Variants in MBTPS1 observed in about 807,000 individuals in gnomAD.
MBTPS1 encodes membrane bound transcription factor peptidase, site 1, also known as membrane-bound transcription factor site-1 protease.
Under a neutral mutation model 127.8 loss-of-function variants are expected in MBTPS1, and 94 were observed. The observed-to-expected ratio is 0.74, with a 90% CI of 0.62 to 0.87. The LOEUF is 0.87. Among genes scored for constraint, MBTPS1 ranks in the 40% least tolerant of loss-of-function variants. The pLI, the probability that MBTPS1 is intolerant of heterozygous loss-of-function variation, is 0.00. For synonymous variants in MBTPS1, 632 were observed against 509.4 expected (o/e 1.24, Z -3.24); for missense variants, 1,636 against 1,353.2 (o/e 1.21, Z -3.28).
At chr16:84,065,291 G>A (rs1447525091) in intron 18 of MBTPS1, among the ~76,000 whole-genome samples, 1 of 152,068 alleles carries the variant, frequency 6.6e-6, no homozygotes, top group African/African-American at 2.4e-5. Flanking sequence ...CTAAATTTTT[G>A]TATTTTTAGT....
intron 1 of MBTPS1, among the ~76,000 whole-genome samples, chr16:84,105,965 A>T (rs1597352642): frequency 6.6e-6 from 1 of 152,202 alleles, no homozygotes; most frequent in Admixed American, 6.5e-5. Context: ...AGTAAAACAT[A>T]CAGTATTTAG....
At chr16:84,063,268 G>A (rs772240932) in intron 19 of MBTPS1, 37 bp downstream of exon 19, 8 of 1,590,200 alleles carry the variant, frequency 5.0e-6, no homozygotes, top group East Asian at 2.3e-5. Flanking sequence ...AAGGATCTGA[G>A]TGCCGAAGTC....
rs1284354723 is a variant in MBTPS1, at chr16:84,087,399, C to T, written c.1093G>A (p.Asp365Asn). Reference sequence around the variant, plus strand: ...CTTGAAGAAAAGCGGGCGATGTTATCTTCAAAGTCAATGCCGCCTACTCCA... The same window carrying T: ...CTTGAAGAAAAGCGGGCGATGTTATTTTCAAAGTCAATGCCGCCTACTCCA... ...VIGVGGIDFEDNIARFSSRGM... is the reference protein window; with the variant it reads ...VIGVGGIDFENNIARFSSRGM... Residue 365 changes from aspartate (D) to asparagine (N), a missense_variant, in exon 9 of 23, where the codon GAT (aspartate) becomes AAT (asparagine). By Grantham distance (23) the Asp-to-Asn change is conservative (BLOSUM62 1). Coordinates refer to ENST00000343411, the MANE Select transcript of MBTPS1 (RefSeq NM_003791.4). The T allele has an allele frequency of 4.3e-6, 7 of 1,611,978 alleles. No individual in the cohort carries two copies. In the South Asian group the frequency reaches 7.7e-5, roughly 18 times the overall value.
intron 1 of MBTPS1, among the ~76,000 whole-genome samples, chr16:84,103,255 TA>T (rs58610117): frequency 0.011 from 1,584 of 148,160 alleles, 28 homozygotes; most frequent in African/African-American, 0.028. Context: ...TTATTATTAT[TA>T]TTTTTTTTTT....
chr16:84,105,362 G>C (rs1380035117), intron 1 of MBTPS1, among the ~76,000 whole-genome samples: 1 of 152,112 alleles, frequency 6.6e-6, no homozygotes, highest in African/African-American at 2.4e-5. Flanking sequence ...TTAAATTTAA[G>C]GACAACTAAA....
At chr16:84,059,823 T>C (rs1337625723) in intron 20 of MBTPS1, 1 of 151,336 alleles carries the variant, frequency 6.6e-6, no homozygotes, top group Non-Finnish European at 1.5e-5. Flanking sequence ...AAAAAACCAC[T>C]CTGCATTTTC....
chr16:84,090,971 G>GGGA, intron 7 of MBTPS1, 29 bp from the exon 8 acceptor site: 2 of 1,320,690 alleles, frequency 1.5e-6, no homozygotes, highest in Non-Finnish European at 2.2e-6. Context: ...TTTAATGAAA[G>GGGA]TATCCCTTTC....
At chr16:84,101,490 CAAAAA>C in intron 2 of MBTPS1, 126 bp downstream of exon 2, 3 of 605,582 alleles carry the variant, frequency 5.0e-6, no homozygotes, top group Non-Finnish European at 7.3e-6. Flanking sequence ...GACTCTGTCT[CAAAAA>C]AAAAAAAAAG....
intron 11 of MBTPS1, among the ~76,000 whole-genome samples, chr16:84,080,995 G>GA (rs1177603888): frequency 4.6e-5 from 7 of 152,234 alleles, no homozygotes; most frequent in African/African-American, 1.7e-4. Flanking sequence ...AGGAAACCAA[G>GA]AAGACAGGAC....
intron 18 of MBTPS1, among the ~76,000 whole-genome samples, chr16:84,064,349 A>G (rs1167207215): frequency 6.6e-6 from 1 of 152,096 alleles, no homozygotes; most frequent in Non-Finnish European, 1.5e-5. Context: ...ACTGGAACAC[A>G]TTCACCGCCA....
intron 12 of MBTPS1, among the ~76,000 whole-genome samples, chr16:84,072,532 C>T (rs751585130): frequency 1.1e-4 from 16 of 152,180 alleles, no homozygotes; most frequent in Non-Finnish European, 2.1e-4. Flanking sequence ...TGGCTCACAC[C>T]TGTAATCCCA....
At chr16:84,090,854 A>T (rs1397123001) in intron 8 of MBTPS1, 21 bp downstream of exon 8, 1 of 1,587,546 alleles carries the variant, frequency 6.3e-7, no homozygotes, top group Non-Finnish European at 8.6e-7. Flanking sequence ...CCCCGAGGTC[A>T]TCCCTGCTGG....
chr16:84,101,534 A>G (rs1050763870), intron 2 of MBTPS1, 87 bp downstream of exon 2: 13 of 1,169,372 alleles, frequency 1.1e-5, no homozygotes, highest in Admixed American at 7.2e-5. Context: ...AAAGAGGAAC[A>G]TGTTATTCAG....
chr16:84,089,952 T>C (rs1158512399), intron 8 of MBTPS1, among the ~76,000 whole-genome samples: 2 of 152,206 alleles, frequency 1.3e-5, no homozygotes, highest in Non-Finnish European at 2.9e-5. Flanking sequence ...GAGGGTATGT[T>C]CATGCCACTT....
At chr16:84,088,848 G>A (rs530902173) in intron 8 of MBTPS1, among the ~76,000 whole-genome samples, 3 of 152,322 alleles carry the variant, frequency 2.0e-5, no homozygotes, top group East Asian at 1.9e-4. Flanking sequence ...CTGGGCTGCC[G>A]TGATCACATG....
chr16:84,099,021 G>GAA lies in MBTPS1; in HGVS notation c.421+31_421+32insTT, dbSNP rs748107383. ...TTTGAGATTTTCAAAGTAAACAGCAGAGAGAAATTTGCCTACAGTCACAAT... is the reference window on the plus strand; with the variant it reads ...TTTGAGATTTTCAAAGTAAACAGCAGAAAGAGAAATTTGCCTACAGTCACAAT... On this transcript the variant is annotated intron_variant, in intron 3 of 22. Transcript: ENST00000343411. The GAA allele has an allele frequency of 1.4e-5, 21 of 1,472,310 alleles. 1 individual carries two copies. Among genetic ancestry groups the GAA allele is most frequent in the South Asian group, 2.3e-5 (2 of 87,328 alleles). 91.2% of individuals were successfully genotyped at this position (1,472,310 alleles called of 1,614,324 possible). A position where few individuals can be genotyped will look rare whatever the true frequency, so the allele number is the denominator to read the frequency against.
chr16:84,107,676 A>G (rs2086342881), intron 1 of MBTPS1, among the ~76,000 whole-genome samples: 1 of 151,050 alleles, frequency 6.6e-6, no homozygotes, highest in Non-Finnish European at 1.5e-5. Flanking sequence ...CCCAAGGCTG[A>G]GCTTATTACC....
intron 19 of MBTPS1, among the ~76,000 whole-genome samples, chr16:84,062,414 C>T (rs1056454258): frequency 4.6e-5 from 7 of 152,190 alleles, no homozygotes; most frequent in African/African-American, 1.2e-4. Flanking sequence ...CCACCGCGCC[C>T]GGCCCATTTT....
Position 84,091,019 on chromosome 16 carries a change from TAC to T in MBTPS1, c.964-79_964-78del, listed in dbSNP as rs2151162275. On this transcript the variant is annotated intron_variant, in intron 7 of 22. Coordinates refer to ENST00000343411, the MANE Select transcript of MBTPS1 (RefSeq NM_003791.4). ...ACTGTCAAAAAAAAAAAAAAAACCATACACAACGTCTAAAAACAGTTCTAAAA... is the reference window on the plus strand; with the variant it reads ...ACTGTCAAAAAAAAAAAAAAAACCATACAACGTCTAAAAACAGTTCTAAAA... The T allele has an allele frequency of 5.3e-6, 5 of 944,896 alleles. No homozygotes were observed. In the South Asian group the frequency reaches 5.7e-5, roughly 11 times the overall value. 58.5% of individuals were successfully genotyped at this position (944,896 alleles called of 1,614,324 possible).
Sources: allele counts gnomAD v4.1 joint callset (sites outside exome capture counted in the v4.1 genomes callset), GRCh38; gene constraint gnomAD v4.1.1; transcripts MANE v1.5; gene names NCBI Gene and HGNC (gene_info 2026-07-23, HGNC 2026-07-21).